EXOC4: variants seen among roughly 807,000 people sequenced by gnomAD.
EXOC4 encodes SEC8-like 1.
A neutral mutation model predicts 107.2 loss-of-function variants in EXOC4; 71 were observed. The ratio of observed to expected loss-of-function variants is 0.66; its 90% confidence interval spans 0.55 to 0.81. EXOC4 has a LOEUF of 0.81. Among genes scored for constraint, EXOC4 ranks in the 30% least tolerant of loss-of-function variants. The pLI, the probability that EXOC4 is intolerant of heterozygous loss-of-function variation, is 0.00. For missense variants in EXOC4, 1,108 were observed against 1,189.6 expected (o/e 0.93, Z 1.01); for synonymous variants, 456 against 441.2 (o/e 1.03, Z -0.42).
At chr7:133,936,447 C>T (rs904821157) in intron 13 of EXOC4, among the ~76,000 whole-genome samples, 1 of 152,146 alleles carries the variant, frequency 6.6e-6, no homozygotes, top group Admixed American at 6.5e-5. Flanking sequence ...ACTGCATGCT[C>T]GAAACTTAAT....
chr7:133,413,715 T>C (rs760849317), intron 7 of EXOC4, among the ~76,000 whole-genome samples: 15 of 152,154 alleles, frequency 9.9e-5, no homozygotes, highest in Non-Finnish European at 1.9e-4. Flanking sequence ...ATATTTGCAC[T>C]ATAGGTCAAA....
intron 9 of EXOC4, among the ~76,000 whole-genome samples, chr7:133,567,515 G>A (rs543800856): frequency 6.6e-6 from 1 of 152,222 alleles, no homozygotes; most frequent in East Asian, 1.9e-4. Context: ...GTGCTAATAT[G>A]TCTGTAAGAT....
intron 14 of EXOC4, among the ~76,000 whole-genome samples, chr7:133,971,635 A>T (rs975938158): frequency 1.3e-5 from 2 of 152,068 alleles, no homozygotes; most frequent in Non-Finnish European, 2.9e-5. Flanking sequence ...TTGCCTCCTT[A>T]AAAGTGCTGA....
chr7:133,328,382 A>G (rs76127325), intron 5 of EXOC4, among the ~76,000 whole-genome samples: 2,332 of 152,090 alleles, frequency 0.015, 68 homozygotes, highest in African/African-American at 0.053. Flanking sequence ...TTTTTATCCA[A>G]TTTGCCAGTT....
At chr7:134,055,130 A>T (rs1305651124) in intron 17 of EXOC4, among the ~76,000 whole-genome samples, 1 of 152,134 alleles carries the variant, frequency 6.6e-6, no homozygotes, top group Non-Finnish European at 1.5e-5. Flanking sequence ...CTACGAAATC[A>T]TTTTCCTTTG....
rs1231395466 is a variant in EXOC4 at position 133,630,120 on chromosome 7, T to C, written c.1493T>C (p.Val498Ala). Residue 498 changes from valine (V) to alanine (A), a missense_variant, in exon 10 of 18, where the codon GTC (valine) becomes GCC (alanine). Transcript: ENST00000253861. Reference protein sequence around the residue: ...VCKPGARNITVIFHPLLRFIQ... With the variant: ...VCKPGARNITAIFHPLLRFIQ... ...AAACCTGGAGCCAGAAACATTACCG[T>C]CATATTCCACCCATTACTAAGGTAA... The C allele has an allele frequency of 6.2e-7, 1 of 1,613,640 alleles. No individual in the cohort carries two copies. Among genetic ancestry groups the C allele is most frequent in the East Asian group, 2.2e-5 (1 of 44,852 alleles).
intron 2 of EXOC4, among the ~76,000 whole-genome samples, chr7:133,286,177 T>C (rs1439094101): frequency 6.6e-6 from 1 of 152,236 alleles, no homozygotes; most frequent in African/African-American, 2.4e-5. Flanking sequence ...ATCAATCCTC[T>C]TGCTTTGTTT....
At chr7:133,681,928 G>T (rs547391329) in intron 10 of EXOC4, among the ~76,000 whole-genome samples, 18 of 152,144 alleles carry the variant, frequency 1.2e-4, no homozygotes, top group African/African-American at 4.1e-4. Flanking sequence ...ATTAGAGACA[G>T]TATCACACTC....
At chr7:133,334,758 T>G (rs986538212) in intron 5 of EXOC4, among the ~76,000 whole-genome samples, 7 of 151,778 alleles carry the variant, frequency 4.6e-5, no homozygotes, top group African/African-American at 1.7e-4. Context: ...GTGTGCATTG[T>G]TCCCCTCTAT....
At chr7:133,477,761 T>G (rs1799053303) in intron 8 of EXOC4, among the ~76,000 whole-genome samples, 1 of 152,248 alleles carries the variant, frequency 6.6e-6, no homozygotes, top group Admixed American at 6.5e-5. Flanking sequence ...CCATTTTAAA[T>G]CTTTTTAAAT....
intron 9 of EXOC4, among the ~76,000 whole-genome samples, chr7:133,533,388 A>G (rs989040969): frequency 6.6e-6 from 1 of 152,148 alleles, no homozygotes; most frequent in Non-Finnish European, 1.5e-5. Flanking sequence ...GTGCCAGGAC[A>G]TTGTAGCTTG....
At chr7:133,753,914 AAAG>A (rs753901961) in intron 10 of EXOC4, among the ~76,000 whole-genome samples, 5 of 152,210 alleles carry the variant, frequency 3.3e-5, no homozygotes, top group Non-Finnish European at 7.3e-5. Context: ...CAGGTGGAAA[AAAG>A]GGAAGAGAAG....
intron 7 of EXOC4, among the ~76,000 whole-genome samples, chr7:133,418,765 T>C (rs1337477518): frequency 2.0e-5 from 3 of 152,212 alleles, no homozygotes; most frequent in Non-Finnish European, 4.4e-5. Flanking sequence ...TTGTTAGATA[T>C]AAGATGAATT....
chr7:134,023,452 ATAT>A (rs1373042321), intron 17 of EXOC4, among the ~76,000 whole-genome samples: 1 of 152,258 alleles, frequency 6.6e-6, no homozygotes, highest in Non-Finnish European at 1.5e-5. Context: ...ATTATTTTTA[ATAT>A]TAATAACTAC....
At chr7:133,495,757 C>T (rs1799462874) in intron 9 of EXOC4, among the ~76,000 whole-genome samples, 1 of 152,108 alleles carries the variant, frequency 6.6e-6, no homozygotes, top group Non-Finnish European at 1.5e-5. Context: ...CACTTTGGGG[C>T]TACTATAGAT....
intron 10 of EXOC4, among the ~76,000 whole-genome samples, chr7:133,637,869 G>A (rs1054492801): frequency 5.9e-5 from 9 of 151,982 alleles, no homozygotes; most frequent in African/African-American, 1.7e-4. Flanking sequence ...GCTAAACACC[G>A]ATTGCAACTA....
intron 14 of EXOC4, among the ~76,000 whole-genome samples, chr7:133,968,521 G>A (rs1801125140): frequency 6.6e-6 from 1 of 152,132 alleles, no homozygotes. Context: ...AGGAACTCTT[G>A]TAAGGCAGGC....
chr7:133,608,848 T>C (rs1397750359), intron 9 of EXOC4, among the ~76,000 whole-genome samples: 1 of 152,122 alleles, frequency 6.6e-6, no homozygotes, highest in Non-Finnish European at 1.5e-5. Flanking sequence ...CCCCCAACCT[T>C]AACCGGTGTA....
Position 133,574,307 on chromosome 7 carries a change from A to G in EXOC4, c.1418-55738A>G, listed in dbSNP as rs149704271. Among the ~76,000 whole-genome samples the G allele has an allele frequency of 4.8e-3, 730 of 152,340 alleles. 3 individuals are homozygous for G. Among genetic ancestry groups the G allele is most frequent in the Middle Eastern group, 0.017 (5 of 294 alleles). On this transcript the variant is annotated intron_variant, in intron 9 of 17. Coordinates refer to ENST00000253861, the MANE Select transcript of EXOC4 (RefSeq NM_021807.4). ...ATAAATATGAACTCTATATACATAC[A>G]TGTTTACACATACACCAAAATGCAC...
Sources: allele counts gnomAD v4.1 joint callset (sites outside exome capture counted in the v4.1 genomes callset), GRCh38; gene constraint gnomAD v4.1.1; transcripts MANE v1.5; gene names NCBI Gene and HGNC (gene_info 2026-07-23, HGNC 2026-07-21).